ZNF254: variants seen among roughly 807,000 people sequenced by gnomAD.
The protein encoded by ZNF254 is zinc finger protein 254, also known as CTD-2017D11.1.
ZNF254 carries 10 observed loss-of-function variants against 12.4 expected under a neutral mutation model. The ratio of observed to expected loss-of-function variants is 0.80; its 90% confidence interval spans 0.50 to 1.36. The LOEUF is 1.36. ZNF254 is among the 40% of genes most tolerant of loss of function. ZNF254 has a pLI of 0.00. For synonymous variants in ZNF254, 305 were observed against 253.4 expected (o/e 1.20, Z -1.93); for missense variants, 996 against 763.9 (o/e 1.30, Z -3.58).
At chr19:24,118,926 AT>A (rs1332426640) in intron 3 of ZNF254, among the ~76,000 whole-genome samples, 1 of 152,038 alleles carries the variant, frequency 6.6e-6, no homozygotes, top group Non-Finnish European at 1.5e-5. Flanking sequence ...CCTGACCAAT[AT>A]GGTGAAACCT....
At chr19:24,064,220 G>T (rs1376208461) in intron 2 of ZNF254, among the ~76,000 whole-genome samples, 1 of 152,076 alleles carries the variant, frequency 6.6e-6, no homozygotes, top group Non-Finnish European at 1.5e-5. Flanking sequence ...TTTCCACTGG[G>T]GTTACTGGAA....
In ZNF254 at chr19:24,068,305, CT is replaced by C. The variant is rs932190326; in HGVS notation, c.-94+22039del. ...GACTTGTGGCCTGTGCCTATCTAGC[CT>C]TTTTTTTTTTTTGAGGCAGAGTCTC... On this transcript the variant is annotated intron_variant, in intron 2 of 4. Coordinates refer to the ZNF254 transcript ENST00000613065. 4.3e-3 allele frequency among the ~76,000 whole-genome samples: 617 copies of C among 143,248 alleles called. 1 individual carries two copies. The highest frequency in any genetic ancestry group is 0.011 in the African/African-American group (442 of 39,362). The allele number at this position is 143,248 out of a possible 152,430, so 94.0% of individuals were successfully genotyped here.
chr19:24,064,920 TTTCA>T (rs1340861375), intron 2 of ZNF254, among the ~76,000 whole-genome samples: 2 of 152,200 alleles, frequency 1.3e-5, no homozygotes, highest in Non-Finnish European at 1.5e-5. Context: ...TAACACATCT[TTTCA>T]TTCATTATCT....
intron 3 of ZNF254, among the ~76,000 whole-genome samples, chr19:24,117,122 G>C (rs1974134327): frequency 6.6e-6 from 1 of 152,160 alleles, no homozygotes; most frequent in Non-Finnish European, 1.5e-5. Context: ...GTGCCTCCCA[G>C]TTAGGCTGCT....
At chr19:24,089,823 A>G (rs529358222) in intron 1 of ZNF254, among the ~76,000 whole-genome samples, 40 of 152,112 alleles carry the variant, frequency 2.6e-4, no homozygotes, top group Non-Finnish European at 3.5e-4. Context: ...GAGAAAACAA[A>G]TAATTTCTGC....
chr19:24,034,783 T>TA (rs1403403661), intron 1 of ZNF254, among the ~76,000 whole-genome samples: 1 of 138,094 alleles, frequency 7.2e-6, no homozygotes, highest in Non-Finnish European at 1.6e-5. Context: ...GGCAAGAAGT[T>TA]ACTTTTTTTT....
chr19:24,124,463 G>A (rs1049019022), intron 3 of ZNF254, among the ~76,000 whole-genome samples: 1 of 152,008 alleles, frequency 6.6e-6, no homozygotes, highest in Non-Finnish European at 1.5e-5. Context: ...ATATGATTCT[G>A]TGTTTTTATT....
chr19:24,117,634 C>A (rs957685716), intron 3 of ZNF254, among the ~76,000 whole-genome samples: 3 of 152,102 alleles, frequency 2.0e-5, no homozygotes, highest in African/African-American at 7.2e-5. Context: ...ACTCCCTGAC[C>A]CCTTGCACTT....
intron 2 of ZNF254, among the ~76,000 whole-genome samples, chr19:24,071,068 C>CA (rs1277532178): frequency 4.6e-5 from 7 of 151,856 alleles, no homozygotes; most frequent in Non-Finnish European, 1.5e-5. Flanking sequence ...GTTTAATAGG[C>CA]AAGAAGGAAG....
In ZNF254 at chr19:24,127,030, C is replaced by G; in HGVS notation, c.1030C>G (p.His344Asp). Residue 344 changes from histidine (H) to aspartate (D), a missense_variant, in exon 4 of 4, where the codon CAC (histidine) becomes GAC (aspartate). Physicochemically the swap from His to Asp is moderately conservative, Grantham distance 81. Transcript: ENST00000357002. The part of the protein sequence containing the change: ...SSTLTRHKRM[H>D]TGEKPYKCEE... ...AACACTAACTAGACATAAGAGGATG[C>G]ACACTGGAGAGAAACCCTACAAATG... The G allele has an allele frequency of 6.2e-7, 1 of 1,613,602 alleles. No individual in the cohort carries two copies. The highest frequency in any genetic ancestry group is 8.5e-7 in the Non-Finnish European group (1 of 1,179,824).
At chr19:24,088,085 T>C (rs970276533) in intron 1 of ZNF254, among the ~76,000 whole-genome samples, 5 of 151,966 alleles carry the variant, frequency 3.3e-5, no homozygotes, top group South Asian at 4.2e-4. Flanking sequence ...TTTTTTTATT[T>C]TTAGTAGAGA....
intron 3 of ZNF254, among the ~76,000 whole-genome samples, chr19:24,109,682 C>T (rs957680205): frequency 6.6e-6 from 1 of 150,382 alleles, no homozygotes; most frequent in Non-Finnish European, 1.5e-5. Context: ...TCTTTCTTAG[C>T]TAATTTTCTT....
rs769847869 is a variant in ZNF254, at chr19:24,126,557, A to G, written c.557A>G (p.Lys186Arg). Residue 186 changes from lysine (K) to arginine (R), a missense_variant, in exon 4 of 4, where the codon AAA becomes AGA. Coordinates refer to ENST00000357002, the MANE Select transcript of ZNF254 (RefSeq NM_203282.4). Reference protein sequence around the residue: ...HTEKKSFKCKKRVKLFCMLSH... With the variant: ...HTEKKSFKCKRRVKLFCMLSH... ...GAAAAGAAATCTTTCAAATGTAAAA[A>G]ACGTGTCAAATTATTTTGCATGCTT... 1.2e-6 allele frequency: 2 copies of G among 1,604,162 alleles called. No individual in the cohort carries two copies. Among genetic ancestry groups the G allele is most frequent in the Non-Finnish European group, 1.7e-6 (2 of 1,177,230 alleles).
intron 3 of ZNF254, among the ~76,000 whole-genome samples, chr19:24,117,211 A>G (rs1974143611): frequency 6.6e-6 from 1 of 152,076 alleles, no homozygotes; most frequent in Non-Finnish European, 1.5e-5. Flanking sequence ...TGGGAGAACC[A>G]CTGCTCTCTT....
intron 1 of ZNF254, among the ~76,000 whole-genome samples, chr19:24,101,556 A>G (rs778790178): frequency 2.6e-5 from 4 of 152,236 alleles, no homozygotes; most frequent in Non-Finnish European, 5.9e-5. Context: ...CAAAGTAGCC[A>G]GAGCTCTGAG....
At chr19:24,072,580 G>C (rs1047660254) in intron 2 of ZNF254, among the ~76,000 whole-genome samples, 1 of 152,200 alleles carries the variant, frequency 6.6e-6, no homozygotes, top group Non-Finnish European at 1.5e-5. Context: ...AAGAGGCCTT[G>C]TGACACATCT....
intron 3 of ZNF254, among the ~76,000 whole-genome samples, chr19:24,115,500 A>T (rs1184193690): frequency 1.3e-5 from 2 of 149,636 alleles, no homozygotes; most frequent in Non-Finnish European, 3.0e-5. Context: ...CAGGAAGGGG[A>T]AAATCACACT....
chr19:24,071,785 T>C (rs1478046172), intron 2 of ZNF254, among the ~76,000 whole-genome samples: 1 of 152,134 alleles, frequency 6.6e-6, no homozygotes, highest in Non-Finnish European at 1.5e-5. Context: ...GTGACTCTCC[T>C]CTGCTTCTAC....
At chr19:24,046,862 C>CTTT (rs756475156) in intron 2 of ZNF254, among the ~76,000 whole-genome samples, 1 of 139,834 alleles carries the variant, frequency 7.2e-6, no homozygotes, top group Non-Finnish European at 1.6e-5. Context: ...TTCATCTTTC[C>CTTT]TTTTTTTTTT....
Sources: gnomAD v4.1 joint callset for allele counts (sites outside exome capture counted in the v4.1 genomes callset) on GRCh38, gnomAD v4.1.1 for gene constraint, MANE v1.5 for transcripts, NCBI Gene and HGNC (gene_info 2026-07-23, HGNC 2026-07-21) for gene names.